Variants in PCDH9 observed in about 807,000 individuals in gnomAD.
The protein encoded by PCDH9 is protocadherin-9.
PCDH9 carries 24 observed loss-of-function variants against 70.6 expected under a neutral mutation model. The ratio of observed to expected loss-of-function variants is 0.34; its 90% CI spans 0.25 to 0.48. The LOEUF (loss-of-function observed/expected upper bound fraction) is 0.48, where lower values mean the gene tolerates loss of function less well. PCDH9 is among the 20% of genes least tolerant of loss of function. The pLI is 0.99. For missense variants in PCDH9, 1,281 were observed against 1,503.6 expected, an observed-to-expected ratio of 0.85 and a Z score of 2.45; for synonymous variants, 562 against 558.5, an observed-to-expected ratio of 1.01 and a Z score of -0.09.
intron 2 of PCDH9, among the ~76,000 whole-genome samples, chr13:67,051,501 T>C (rs1347746957): frequency 6.8e-6 from 1 of 147,520 alleles, no homozygotes; most frequent in African/African-American, 2.5e-5. Flanking sequence ...CAAGTGATTC[T>C]CCTGCCTCAG....
intron 3 of PCDH9, among the ~76,000 whole-genome samples, chr13:66,819,534 T>C (rs531210903): frequency 5.3e-5 from 8 of 152,286 alleles, no homozygotes; most frequent in South Asian, 2.1e-4. Flanking sequence ...ACACTTCTCA[T>C]TGGACTTTCA....
At chr13:67,140,025 A>ACCCCCTCC (rs2087336059) in intron 2 of PCDH9, among the ~76,000 whole-genome samples, 1 of 65,938 alleles carries the variant, frequency 1.5e-5, no homozygotes, top group African/African-American at 5.7e-5. Context: ...TTTTTTGATC[A>ACCCCCTCC]CCCCCCCCCC....
At chr13:66,921,544 G>A (rs200204814) in intron 2 of PCDH9, among the ~76,000 whole-genome samples, 4 of 151,040 alleles carry the variant, frequency 2.6e-5, no homozygotes, top group East Asian at 1.9e-4. Flanking sequence ...CAATTTCAGC[G>A]GAAGTCCTAA....
chr13:66,553,422 G>A lies in PCDH9; in HGVS notation c.3340+77788C>T, dbSNP rs569386425. ...GTAAAATTCTTACTGATACAGGTCC[G>A]TGACTCACATATATACCATATGTAC... On this transcript the variant is annotated intron_variant, in intron 4 of 4. Coordinates refer to ENST00000377865, the MANE Select transcript of PCDH9 (RefSeq NM_203487.3). Among the ~76,000 whole-genome samples the A allele has an allele frequency of 7.2e-5, 11 of 152,248 alleles. 1 individual carries two copies. The South Asian group carries it at 2.3e-3, about 32-fold the overall frequency.
At chr13:66,611,515 A>G (rs2077293572) in intron 4 of PCDH9, among the ~76,000 whole-genome samples, 1 of 152,196 alleles carries the variant, frequency 6.6e-6, no homozygotes, top group African/African-American at 2.4e-5. Flanking sequence ...GTCACTATTC[A>G]AAGCTGTTTT....
chr13:67,013,854 C>T (rs2084503233), intron 2 of PCDH9, among the ~76,000 whole-genome samples: 1 of 151,962 alleles, frequency 6.6e-6, no homozygotes, highest in East Asian at 1.9e-4. Context: ...AGGGGAAAGA[C>T]CATGAGAGCA....
chr13:66,701,457 G>A (rs2078647527), intron 3 of PCDH9, among the ~76,000 whole-genome samples: 1 of 151,982 alleles, frequency 6.6e-6, no homozygotes, highest in African/African-American at 2.4e-5. Flanking sequence ...ACACATATAT[G>A]TGTACACATA....
intron 2 of PCDH9, among the ~76,000 whole-genome samples, chr13:67,179,420 G>A (rs2088557856): frequency 6.6e-6 from 1 of 152,040 alleles, no homozygotes; most frequent in Non-Finnish European, 1.5e-5. Context: ...TTGATCCATA[G>A]CAATGTATTC....
intron 2 of PCDH9, among the ~76,000 whole-genome samples, chr13:66,956,687 T>C (rs1464392749): frequency 3.3e-5 from 5 of 152,000 alleles, no homozygotes; most frequent in African/African-American, 1.2e-4. Flanking sequence ...GAGGTGGAGG[T>C]TGCAGTGAGC....
In PCDH9 at chr13:66,657,686, G is replaced by A. The variant is rs939444715; in HGVS notation, c.3139-26275C>T. Among the ~76,000 whole-genome samples, 6 of 152,258 alleles carry A rather than the reference G, an allele frequency of 3.9e-5. No homozygotes were observed. The East Asian group carries it at 5.8e-4, about 15-fold the overall frequency. ...TATGTGAATTATATTCTAAGAACTCGTGGAAATAGATGTCATAATATCTCC... is the reference window on the plus strand; with the variant it reads ...TATGTGAATTATATTCTAAGAACTCATGGAAATAGATGTCATAATATCTCC... On this transcript the variant is annotated intron_variant, in intron 3 of 4. Coordinates refer to ENST00000377865, the MANE Select transcript of PCDH9 (RefSeq NM_203487.3).
chr13:66,780,625 T>C (rs898144322), intron 3 of PCDH9, among the ~76,000 whole-genome samples: 1 of 152,156 alleles, frequency 6.6e-6, no homozygotes, highest in African/African-American at 2.4e-5. Context: ...CTTTCCACTT[T>C]ACTCCCTAGT....
At chr13:66,383,257 G>A (rs887282714) in intron 4 of PCDH9, among the ~76,000 whole-genome samples, 2 of 152,132 alleles carry the variant, frequency 1.3e-5, no homozygotes, top group South Asian at 2.1e-4. Context: ...CTTCACCAAC[G>A]TATAAGAGGA....
At chr13:66,938,162 A>C (rs2082947937) in intron 2 of PCDH9, among the ~76,000 whole-genome samples, 1 of 152,196 alleles carries the variant, frequency 6.6e-6, no homozygotes, top group African/African-American at 2.4e-5. Flanking sequence ...TAACTCCCAC[A>C]GATAACTGAT....
intron 2 of PCDH9, among the ~76,000 whole-genome samples, chr13:67,075,128 A>G (rs2085852936): frequency 6.6e-6 from 1 of 152,138 alleles, no homozygotes; most frequent in East Asian, 1.9e-4. Flanking sequence ...AGAAGCAGAT[A>G]GCCAAATGAT....
At chr13:67,202,069 T>A (rs1422431530) in intron 2 of PCDH9, 5 of 151,972 alleles carry the variant, frequency 3.3e-5, no homozygotes, top group South Asian at 4.1e-4. Flanking sequence ...GTTTTTTTTT[T>A]AAATGGAAAC....
rs185292884 is a variant in PCDH9 at position 67,198,468 on chromosome 13, A to G, written c.3036+26937T>C. Among the ~76,000 whole-genome samples, 466 of 152,034 alleles carry G rather than the reference A, an allele frequency of 3.1e-3. 1 individual carries two copies. The highest frequency in any genetic ancestry group is 0.011 in the African/African-American group (456 of 41,548). On this transcript the variant is annotated intron_variant, in intron 2 of 4. Transcript: ENST00000377865. The stretch of plus-strand genomic sequence containing the variant: ...ATTTATGAAATCCCATTTGGCATAC[A>G]CAACTTCTAATTTTATCGTTTCTTC...
chr13:66,752,060 T>C (rs192440201), intron 3 of PCDH9, among the ~76,000 whole-genome samples: 53 of 152,200 alleles, frequency 3.5e-4, no homozygotes, highest in African/African-American at 1.2e-3. Context: ...ACCTGAATGA[T>C]AGAAAGGGGT....
At chr13:67,029,409 T>C (rs369769719) in intron 2 of PCDH9, among the ~76,000 whole-genome samples, 5 of 152,340 alleles carry the variant, frequency 3.3e-5, no homozygotes, top group Middle Eastern at 3.4e-3. Context: ...TACACTCTTA[T>C]GCAGGCTCTG....
At chr13:66,311,419 C>G (rs558675523) in intron 4 of PCDH9, among the ~76,000 whole-genome samples, 10 of 150,290 alleles carry the variant, frequency 6.7e-5, no homozygotes, top group Non-Finnish European at 1.2e-4. Context: ...ACAGTGTGTA[C>G]CAGCATAACT....
Sources: gnomAD v4.1 joint callset for allele counts (sites outside exome capture counted in the v4.1 genomes callset) on GRCh38, gnomAD v4.1.1 for gene constraint, MANE v1.5 for transcripts, NCBI Gene and HGNC (gene_info 2026-07-23, HGNC 2026-07-21) for gene names.